Variants in NNT observed in about 807,000 individuals in gnomAD.
NNT encodes the protein NAD(P) transhydrogenase, mitochondrial.
Under a neutral mutation model 104.8 loss-of-function variants are expected in NNT, and 50 were observed. The observed-to-expected ratio is 0.48, with a 90% CI of 0.38 to 0.60. The LOEUF is 0.60. NNT is among the 20% of genes least tolerant of loss of function. NNT has a pLI of 0.00. For synonymous variants in NNT, 461 were observed against 490.4 expected, an observed-to-expected ratio of 0.94 and a Z score of 0.79; for missense variants, 1,131 against 1,330.7, an observed-to-expected ratio of 0.85 and a Z score of 2.33.
chr5:43,683,946 A>G (rs563584554), intron 19 of NNT, among the ~76,000 whole-genome samples: 12 of 152,284 alleles, frequency 7.9e-5, no homozygotes, highest in African/African-American at 2.6e-4. Flanking sequence ...GGCACAATCT[A>G]TAATTACTCT....
chr5:43,670,389 G>A (rs1239765435), intron 17 of NNT, among the ~76,000 whole-genome samples: 1 of 152,096 alleles, frequency 6.6e-6, no homozygotes, highest in African/African-American at 2.4e-5. Flanking sequence ...GTCAATTTTA[G>A]ATCTTTTCTG....
At chr5:43,610,753 C>T (rs1749458217) in intron 2 of NNT, among the ~76,000 whole-genome samples, 1 of 152,120 alleles carries the variant, frequency 6.6e-6, no homozygotes. Flanking sequence ...TTAAATTGCT[C>T]TGGAAAGCCA....
chr5:43,614,883 A>G lies in NNT; in HGVS notation c.382-965A>G, dbSNP rs571752790. 3.5e-3 allele frequency among the ~76,000 whole-genome samples: 535 copies of G among 152,064 alleles called. 2 individuals are homozygous for G. Among genetic ancestry groups the G allele is most frequent in the African/African-American group, 0.013 (524 of 41,454 alleles). On this transcript the variant is annotated intron_variant, in intron 3 of 21. Coordinates refer to ENST00000344920, the MANE Select transcript of NNT (RefSeq NM_182977.3). ...CCGGGCGCAGTGGCTCACGCCTGTA[A>G]TCCCAGCACTTTGGGAGGCCGAGGC...
chr5:43,665,638 A>G (rs1211896190), intron 17 of NNT, among the ~76,000 whole-genome samples: 5 of 152,176 alleles, frequency 3.3e-5, no homozygotes, highest in South Asian at 2.1e-4. Context: ...ACTTCTTCCT[A>G]TATAGACACA....
intron 19 of NNT, among the ~76,000 whole-genome samples, chr5:43,690,540 G>T (rs184185117): frequency 6.6e-6 from 1 of 152,276 alleles, no homozygotes; most frequent in East Asian, 1.9e-4. Flanking sequence ...TACCTCAAAA[G>T]AGCACACATG....
Position 43,633,821 on chromosome 5 carries a change from A to G in NNT, c.964+5434A>G, listed in dbSNP as rs142356758. ...CTCTGTTGGTTCACTTTTGGATAGGAACATTGCAGAGGCTAATTTAAGCTT... is the reference window on the plus strand; with the variant it reads ...CTCTGTTGGTTCACTTTTGGATAGGGACATTGCAGAGGCTAATTTAAGCTT... On this transcript the variant is annotated intron_variant, in intron 7 of 21. Transcript: ENST00000344920. 3.8e-3 allele frequency among the ~76,000 whole-genome samples: 580 copies of G among 152,306 alleles called. 7 individuals carry two copies. The highest frequency in any genetic ancestry group is 0.013 in the African/African-American group (552 of 41,576).
chr5:43,703,543 A>G (rs1742965956), intron 21 of NNT, among the ~76,000 whole-genome samples: 2 of 152,188 alleles, frequency 1.3e-5, no homozygotes, highest in Admixed American at 1.3e-4. Flanking sequence ...AGAAGAATAC[A>G]TTTGCACTGC....
At chr5:43,643,306 A>G (rs1415593845) in intron 7 of NNT, among the ~76,000 whole-genome samples, 1 of 152,210 alleles carries the variant, frequency 6.6e-6, no homozygotes, top group African/African-American at 2.4e-5. Context: ...AAATGTGAAC[A>G]CGATAGTATG....
At chr5:43,624,164 GT>G in intron 6 of NNT, 44 bp downstream of exon 6, 1 of 1,552,248 alleles carries the variant, frequency 6.4e-7, no homozygotes, top group Non-Finnish European at 8.9e-7. Flanking sequence ...AAAACATTTT[GT>G]TTCAGGGGCA....
intron 17 of NNT, among the ~76,000 whole-genome samples, chr5:43,661,807 T>A (rs1331588843): frequency 6.6e-6 from 1 of 152,046 alleles, no homozygotes; most frequent in African/African-American, 2.4e-5. Context: ...ATCCAGTCTA[T>A]CATTGGTGGA....
At chr5:43,638,249 A>G (rs994934028) in intron 7 of NNT, among the ~76,000 whole-genome samples, 1 of 152,116 alleles carries the variant, frequency 6.6e-6, no homozygotes, top group African/African-American at 2.4e-5. Context: ...TCATTTATAA[A>G]TCACCCAGTC....
At position 43,656,821 on chromosome 5, in the gene NNT, G is replaced by C. The variant is rs956041591; in HGVS notation, c.2454+8G>C. The C allele has an allele frequency of 6.2e-7, 1 of 1,604,592 alleles. No individual in the cohort carries two copies. The highest frequency in any genetic ancestry group is 8.5e-7 in the Non-Finnish European group (1 of 1,176,898). ...GCTCTCTCTGCTGTCATGGTAAGAA[G>C]TCAGAGATTGAAAAGTACATATTTG... On this transcript the variant is annotated splice_region_variant and intron_variant, in intron 16 of 21. Coordinates refer to ENST00000344920, the MANE Select transcript of NNT (RefSeq NM_182977.3).
At chr5:43,688,813 G>A (rs1284951528) in intron 19 of NNT, among the ~76,000 whole-genome samples, 1 of 152,116 alleles carries the variant, frequency 6.6e-6, no homozygotes, top group Non-Finnish European at 1.5e-5. Context: ...CATTTGGGCT[G>A]GTTCCATATT....
chr5:43,688,513 C>T (rs1742098074), intron 19 of NNT, among the ~76,000 whole-genome samples: 1 of 152,012 alleles, frequency 6.6e-6, no homozygotes, highest in Non-Finnish European at 1.5e-5. Context: ...CACCCATCAC[C>T]CAAGGAGTGT....
At chr5:43,630,040 C>A (rs891920057) in intron 7 of NNT, among the ~76,000 whole-genome samples, 6 of 152,146 alleles carry the variant, frequency 3.9e-5, no homozygotes, top group Non-Finnish European at 8.8e-5. Flanking sequence ...GTCATGAACT[C>A]TTTGCCCAAG....
intron 17 of NNT, among the ~76,000 whole-genome samples, chr5:43,660,478 A>G (rs1481617925): frequency 6.6e-6 from 1 of 152,236 alleles, no homozygotes; most frequent in Admixed American, 6.5e-5. Context: ...TAATAATGAA[A>G]CTAAATGAAA....
At chr5:43,606,959 T>C (rs1038873343) in intron 1 of NNT, among the ~76,000 whole-genome samples, 4 of 151,574 alleles carry the variant, frequency 2.6e-5, no homozygotes, top group African/African-American at 9.7e-5. Context: ...CTTCAAGGAG[T>C]TGTGGCAGCA....
At chr5:43,629,422 TG>T (rs1227583087) in intron 7 of NNT, among the ~76,000 whole-genome samples, 1 of 152,206 alleles carries the variant, frequency 6.6e-6, no homozygotes, top group Non-Finnish European at 1.5e-5. Context: ...AACTGTGAAT[TG>T]TGCTGCTATA....
At chr5:43,671,342 A>C (rs184256552) in intron 17 of NNT, among the ~76,000 whole-genome samples, 1,745 of 152,188 alleles carry the variant, frequency 0.011, 20 homozygotes, top group African/African-American at 0.04. Context: ...TTAGCTGGTT[A>C]TTTTGCTCGT....
Sources: allele counts gnomAD v4.1 joint callset (sites outside exome capture counted in the v4.1 genomes callset), GRCh38; gene constraint gnomAD v4.1.1; transcripts MANE v1.5; gene names NCBI Gene and HGNC (gene_info 2026-07-23, HGNC 2026-07-21).